Variants in MEIS2 observed in about 807,000 individuals in gnomAD.
The protein encoded by MEIS2 is homeobox protein Meis2.
In MEIS2, 9 loss-of-function variants were observed where a neutral mutation model predicts 58.6. The observed-to-expected ratio is 0.15, with a 90% CI of 0.09 to 0.27. MEIS2 has a LOEUF of 0.27. Among genes scored for constraint, MEIS2 ranks in the 10% least tolerant of loss-of-function variants. The probability of loss-of-function intolerance (pLI) is 1.00; values close to 1 mark genes in which losing one functional copy is unlikely to be tolerated. For missense variants in MEIS2, 427 were observed against 635.0 expected (o/e 0.67, Z 3.52); for synonymous variants, 221 against 228.4 (o/e 0.97, Z 0.29).
chr15:36,960,216 G>A (rs946366014), intron 8 of MEIS2, among the ~76,000 whole-genome samples: 2 of 151,912 alleles, frequency 1.3e-5, no homozygotes, highest in Non-Finnish European at 2.9e-5. Flanking sequence ...GATTTAAAGA[G>A]GAAGAGGTTG....
chr15:37,096,376 G>A lies in MEIS2; in HGVS notation c.300C>T (p.Thr100=). 6.2e-7 allele frequency: 1 copy of A among 1,614,052 alleles called. No homozygotes were observed. Among genetic ancestry groups the A allele is most frequent in the Non-Finnish European group, 8.5e-7 (1 of 1,180,004 alleles). ...ALVFEKCELA[T]CTPREPGVAG... ...CCACTCCAGGTTCCCGGGGAGTGCA[G>A]GTCGCCAGCTCGCACTTCTCAAAGA... Residue 100 remains threonine, a synonymous_variant, in exon 3 of 12, where the codon ACC becomes ACT. Transcript: ENST00000561208.
intron 8 of MEIS2, among the ~76,000 whole-genome samples, chr15:36,968,613 G>A (rs893517950): frequency 2.6e-5 from 4 of 152,170 alleles, no homozygotes; most frequent in Non-Finnish European, 4.4e-5. Flanking sequence ...CAAAACTAGA[G>A]AATTCACAAA....
intron 7 of MEIS2, among the ~76,000 whole-genome samples, chr15:37,062,071 C>T (rs544677077): frequency 3.3e-5 from 5 of 152,332 alleles, no homozygotes; most frequent in African/African-American, 4.8e-5. Flanking sequence ...AAGGTTTTCA[C>T]GCTGCCTGAG....
chr15:36,895,331 C>A, intron 10 of MEIS2, 70 bp from the exon 11 acceptor site: 1 of 1,331,748 alleles, frequency 7.5e-7, no homozygotes, highest in Non-Finnish European at 1.1e-6. Flanking sequence ...GCAATTGTTC[C>A]CGCTGCAGCA....
chr15:37,009,114 C>T (rs932520767), intron 8 of MEIS2, among the ~76,000 whole-genome samples: 3 of 152,002 alleles, frequency 2.0e-5, no homozygotes, highest in African/African-American at 4.8e-5. Flanking sequence ...ACGGTGAAAC[C>T]CTGTCTCTAC....
At chr15:37,049,786 C>A (rs2062838587) in intron 7 of MEIS2, among the ~76,000 whole-genome samples, 1 of 141,948 alleles carries the variant, frequency 7.0e-6, no homozygotes, top group African/African-American at 2.6e-5. Flanking sequence ...CGCAGCTGGC[C>A]TTTTTTTTTT....
intron 8 of MEIS2, among the ~76,000 whole-genome samples, chr15:36,976,818 C>T (rs535516429): frequency 6.3e-4 from 96 of 152,160 alleles, no homozygotes; most frequent in African/African-American, 2.2e-3. Flanking sequence ...TCCCTGCCTT[C>T]GAAAACTTAA....
Position 36,949,380 on chromosome 15 carries a change from C to T in MEIS2, c.977+944G>A, listed in dbSNP as rs557520673. On this transcript the variant is annotated intron_variant, in intron 9 of 11. Coordinates refer to ENST00000561208, the MANE Select transcript of MEIS2 (RefSeq NM_170675.5). ...AACCTAAAAGCTTTGTTAATGTCTG[C>T]CTGCCTGTATCCCACAGATAGAGCA... 2.0e-5 allele frequency among the ~76,000 whole-genome samples: 3 copies of T among 152,108 alleles called. 1 individual carries two copies. Among genetic ancestry groups the T allele is most frequent in the African/African-American group, 7.2e-5 (3 of 41,520 alleles).
intron 9 of MEIS2, among the ~76,000 whole-genome samples, chr15:36,937,457 C>T (rs1226306650): frequency 6.6e-6 from 1 of 152,134 alleles, no homozygotes; most frequent in Non-Finnish European, 1.5e-5. Context: ...TAAGAAACAG[C>T]TTATCAAAAT....
chr15:36,974,052 A>G (rs902168331), intron 8 of MEIS2, among the ~76,000 whole-genome samples: 1 of 152,202 alleles, frequency 6.6e-6, no homozygotes, highest in Non-Finnish European at 1.5e-5. Flanking sequence ...ACTCTCAATA[A>G]AAATCAGTCA....
At chr15:36,974,824 T>C (rs2059685972) in intron 8 of MEIS2, among the ~76,000 whole-genome samples, 1 of 152,194 alleles carries the variant, frequency 6.6e-6, no homozygotes, top group Non-Finnish European at 1.5e-5. Flanking sequence ...TAACTGAGTT[T>C]AGGATAGACA....
At chr15:36,996,926 T>C (rs746445619) in intron 8 of MEIS2, among the ~76,000 whole-genome samples, 1 of 152,068 alleles carries the variant, frequency 6.6e-6, no homozygotes, top group African/African-American at 2.4e-5. Context: ...CTCTGAGAGG[T>C]TTTACTTGTC....
At chr15:36,942,013 T>A (rs936888155) in intron 9 of MEIS2, among the ~76,000 whole-genome samples, 3 of 152,178 alleles carry the variant, frequency 2.0e-5, no homozygotes, top group Non-Finnish European at 4.4e-5. Flanking sequence ...CTGCAGGGAC[T>A]TATCTAAAAG....
At chr15:36,980,845 C>T (rs1053582170) in intron 8 of MEIS2, among the ~76,000 whole-genome samples, 1 of 152,012 alleles carries the variant, frequency 6.6e-6, no homozygotes, top group Non-Finnish European at 1.5e-5. Flanking sequence ...CTCTTCTGTT[C>T]CACTGACAGG....
intron 8 of MEIS2, among the ~76,000 whole-genome samples, chr15:37,001,721 T>A (rs1029730611): frequency 3.9e-5 from 6 of 152,210 alleles, no homozygotes; most frequent in Admixed American, 6.5e-5. Flanking sequence ...TATGGGCAGA[T>A]CACATGCACT....
chr15:36,934,231 T>C (rs773501243), intron 9 of MEIS2, among the ~76,000 whole-genome samples: 1 of 152,018 alleles, frequency 6.6e-6, no homozygotes, highest in African/African-American at 2.4e-5. Flanking sequence ...TTTAAACATA[T>C]TGAAAAGGAG....
At position 37,003,935 on chromosome 15, in the gene MEIS2, A is replaced by G. The variant is rs569279934; in HGVS notation, c.900+32879T>C. 2.6e-5 allele frequency among the ~76,000 whole-genome samples: 4 copies of G among 152,324 alleles called. No individual in the cohort carries two copies. In the South Asian group the frequency reaches 8.3e-4, roughly 32 times the overall value. ...ACCAGACACTGAATTTGCCAGCACC[A>G]TCATCTTGGACTTCCCAGCCTCCAG... is the stretch of plus-strand genomic sequence containing the variant. On this transcript the variant is annotated intron_variant, in intron 8 of 11. Transcript: ENST00000561208.
rs57919785 is a variant in MEIS2 at position 36,911,270 on chromosome 15, C to CGTGTGT, written c.978-14590_978-14585dup. On this transcript the variant is annotated intron_variant, in intron 9 of 11. Coordinates refer to ENST00000561208, the MANE Select transcript of MEIS2 (RefSeq NM_170675.5). ...AACCGAAGAATAATCTTAAGAATAA[C>CGTGTGT]GTGTGTGTGTGTGTGTGTGTATGTA... Among the ~76,000 whole-genome samples the CGTGTGT allele has an allele frequency of 7.8e-3, 1,169 of 149,962 alleles. 16 individuals carry two copies. Among genetic ancestry groups the CGTGTGT allele is most frequent in the African/African-American group, 0.027 (1,082 of 40,790 alleles).
Position 37,097,963 on chromosome 15 carries a change from T to A in MEIS2, c.245+4A>T, listed in dbSNP as rs1321854904. On this transcript the variant is annotated splice_donor_region_variant and intron_variant, in intron 2 of 11. Coordinates refer to ENST00000561208, the MANE Select transcript of MEIS2 (RefSeq NM_170675.5). ...AGTAAGCTGGGTCCGGGGGGTCAGT[T>A]TACCCATAGATCGCGTCCTTGTCCC... 1.1e-5 allele frequency: 17 copies of A among 1,585,686 alleles called. No homozygotes were observed. The highest frequency in any genetic ancestry group is 2.7e-5 in the African/African-American group (2 of 74,522).
Sources: allele counts gnomAD v4.1 joint callset (sites outside exome capture counted in the v4.1 genomes callset), GRCh38; gene constraint gnomAD v4.1.1; transcripts MANE v1.5; gene names NCBI Gene and HGNC (gene_info 2026-07-23, HGNC 2026-07-21).